Variants in RFX7 observed in about 807,000 individuals in gnomAD.
RFX7 encodes the protein DNA-binding protein RFX7.
A neutral mutation model predicts 111.8 loss-of-function variants in RFX7; 26 were observed. The ratio of observed to expected loss-of-function variants is 0.23; its 90% CI spans 0.17 to 0.32. The LOEUF is 0.32. RFX7 is among the 10% of genes least tolerant of loss of function. The pLI, the probability that RFX7 is intolerant of heterozygous loss-of-function variation, is 1.00. For missense variants in RFX7, 1,573 were observed against 1,772.9 expected (o/e 0.89, Z 2.02); for synonymous variants, 624 against 624.4 (o/e 1.00, Z 0.01).
intron 3 of RFX7, among the ~76,000 whole-genome samples, chr15:56,170,330 C>T (rs764767631): frequency 1.1e-4 from 16 of 152,110 alleles, no homozygotes; most frequent in Non-Finnish European, 2.1e-4. Flanking sequence ...ATATCTAAGA[C>T]GAATCCTAAA....
chr15:56,099,148 G>T (rs896919962), intron 8 of RFX7, among the ~76,000 whole-genome samples: 2 of 152,112 alleles, frequency 1.3e-5, no homozygotes, highest in East Asian at 1.9e-4. Flanking sequence ...GATTTAGGGC[G>T]TGGCATTGAG....
At chr15:56,126,298 G>C (rs1287262055) in intron 5 of RFX7, among the ~76,000 whole-genome samples, 1 of 152,180 alleles carries the variant, frequency 6.6e-6, no homozygotes, top group Non-Finnish European at 1.5e-5. Context: ...GAATAGCTTT[G>C]TGCCATTTTA....
chr15:56,102,378 A>T (rs1372794879), intron 6 of RFX7, 125 bp from the exon 7 acceptor site: 1 of 539,438 alleles, frequency 1.9e-6, no homozygotes. Context: ...TACTTTCTGA[A>T]TTCTTCAGTA....
intron 5 of RFX7, among the ~76,000 whole-genome samples, chr15:56,139,928 A>G (rs1216584304): frequency 2.2e-4 from 33 of 152,320 alleles, no homozygotes; most frequent in East Asian, 1.4e-3. Flanking sequence ...TAGGCTGCTC[A>G]GGGGTCAGGG....
At chr15:56,119,071 T>C (rs1471645294) in intron 5 of RFX7, among the ~76,000 whole-genome samples, 6 of 152,210 alleles carry the variant, frequency 3.9e-5, no homozygotes, top group African/African-American at 1.4e-4. Flanking sequence ...TTTGAGCTCC[T>C]TCTATATTCT....
rs750929667 is a variant in RFX7, at chr15:56,092,326, T to C, written c.*1019A>G. On this transcript the variant is annotated 3_prime_UTR_variant, in exon 10 of 10. Coordinates refer to ENST00000559447, the MANE Select transcript of RFX7 (RefSeq NM_022841.7). The stretch of plus-strand genomic sequence containing the variant: ...CTTCCTGTTTTTCAAAGGGATCCTA[T>C]GATCAAACTACATTACTATATTCAG... 2.0e-5 allele frequency: 3 copies of C among 152,640 alleles called. No individual in the cohort carries two copies. The highest frequency in any genetic ancestry group is 1.3e-4 in the Admixed American group (2 of 15,284). The allele number at this position is 152,640 out of a possible 1,614,324, so 9.5% of individuals were successfully genotyped here. A position where few individuals can be genotyped will look rare whatever the true frequency, so the allele number is the denominator to read the frequency against.
At chr15:56,209,731 T>C (rs1207729049) in intron 2 of RFX7, among the ~76,000 whole-genome samples, 1 of 152,100 alleles carries the variant, frequency 6.6e-6, no homozygotes, top group Admixed American at 6.5e-5. Context: ...TGTGAAGCAG[T>C]ATGACGTTAA....
intron 5 of RFX7, among the ~76,000 whole-genome samples, chr15:56,118,717 G>A (rs2042039322): frequency 6.6e-6 from 1 of 152,146 alleles, no homozygotes; most frequent in Non-Finnish European, 1.5e-5. Flanking sequence ...ACCTAGCAGT[G>A]GTATTGCTAG....
intron 2 of RFX7, among the ~76,000 whole-genome samples, chr15:56,204,145 G>A (rs565271620): frequency 2.7e-5 from 4 of 149,630 alleles, no homozygotes; most frequent in Non-Finnish European, 4.4e-5. Context: ...CTCAGCCTCC[G>A]AGTAGCTGGG....
chr15:56,171,514 C>T (rs910391832), intron 3 of RFX7, among the ~76,000 whole-genome samples: 1 of 151,864 alleles, frequency 6.6e-6, no homozygotes, highest in African/African-American at 2.4e-5. Context: ...GATGCAGCTA[C>T]TGGAAGCTAA....
intron 5 of RFX7, among the ~76,000 whole-genome samples, chr15:56,142,369 A>G (rs140423549): frequency 3.3e-5 from 5 of 152,268 alleles, no homozygotes; most frequent in East Asian, 1.9e-4. Context: ...GATTCATGAA[A>G]AGGGCCTTTA....
intron 5 of RFX7, among the ~76,000 whole-genome samples, chr15:56,138,638 G>A (rs1194095863): frequency 1.3e-5 from 2 of 152,080 alleles, no homozygotes; most frequent in Admixed American, 6.5e-5. Context: ...ATTGTTATGT[G>A]TGAATTTGAT....
intron 5 of RFX7, among the ~76,000 whole-genome samples, chr15:56,124,115 ACCT>A (rs1401703607): frequency 6.6e-6 from 1 of 151,796 alleles, no homozygotes. Flanking sequence ...ATCTTGGTAC[ACCT>A]CTCTGTATTT....
rs551989191 is a variant in RFX7 at position 56,094,863 on chromosome 15, A to AGTGGGT, written c.2859_2864dup (p.Pro964_Thr965dup). The AGTGGGT allele has an allele frequency of 6.7e-4, 1,044 of 1,553,938 alleles. 8 individuals carry two copies. In the Middle Eastern group the frequency reaches 0.018, roughly 27 times the overall value. On this transcript the variant is annotated inframe_insertion, in exon 10 of 10. Transcript: ENST00000559447. ...GGGTTGGGGTTGGGGTTGGAGTAGG[A>AGTGGGT]GTGGGTGTGGGTGTGGGTGTGGGTG...
chr15:56,235,832 T>G (rs1479358884), intron 2 of RFX7, among the ~76,000 whole-genome samples: 1 of 152,198 alleles, frequency 6.6e-6, no homozygotes, highest in Non-Finnish European at 1.5e-5. Flanking sequence ...TCTAAACCTT[T>G]GCTATTCAAA....
At chr15:56,131,763 T>C (rs1377550803) in intron 5 of RFX7, among the ~76,000 whole-genome samples, 1 of 152,140 alleles carries the variant, frequency 6.6e-6, no homozygotes, top group Non-Finnish European at 1.5e-5. Flanking sequence ...TGTCTATCAC[T>C]GCTATATGTA....
intron 2 of RFX7, among the ~76,000 whole-genome samples, chr15:56,205,682 G>A (rs957927110): frequency 1.4e-4 from 22 of 152,160 alleles, no homozygotes; most frequent in Non-Finnish European, 4.4e-5. Context: ...TATGAAGCTA[G>A]TCACTACCCT....
At chr15:56,218,552 C>G (rs939442066) in intron 2 of RFX7, among the ~76,000 whole-genome samples, 6 of 152,146 alleles carry the variant, frequency 3.9e-5, no homozygotes, top group African/African-American at 1.4e-4. Flanking sequence ...GAACCAATTC[C>G]CCACAGATAC....
intron 5 of RFX7, among the ~76,000 whole-genome samples, chr15:56,135,096 G>C (rs1426473999): frequency 6.6e-6 from 1 of 152,144 alleles, no homozygotes; most frequent in Non-Finnish European, 1.5e-5. Flanking sequence ...TGTCTTTATA[G>C]CAGCAAGATT....
Sources: allele counts gnomAD v4.1 joint callset (sites outside exome capture counted in the v4.1 genomes callset), GRCh38; gene constraint gnomAD v4.1.1; transcripts MANE v1.5; gene names NCBI Gene and HGNC (gene_info 2026-07-23, HGNC 2026-07-21).